MTUS1: variants seen among roughly 807,000 people sequenced by gnomAD.
MTUS1 encodes the protein microtubule-associated tumor suppressor 1.
MTUS1 carries 109 observed loss-of-function variants against 120.8 expected under a neutral mutation model. The observed-to-expected ratio is 0.90, with a 90% CI of 0.77 to 1.06. The LOEUF (loss-of-function observed/expected upper bound fraction) is 1.06, where lower values mean the gene tolerates loss of function less well. MTUS1 is among the 50% of genes least tolerant of loss of function. MTUS1 has a pLI of 0.00. For synonymous variants in MTUS1, 737 were observed against 550.5 expected, an observed-to-expected ratio of 1.34 and a Z score of -4.74; for missense variants, 2,210 against 1,486.3, an observed-to-expected ratio of 1.49 and a Z score of -8.01.
chr8:17,747,861 G>A (rs895816121), intron 2 of MTUS1, among the ~76,000 whole-genome samples: 8 of 152,100 alleles, frequency 5.3e-5, no homozygotes, highest in African/African-American at 1.7e-4. Flanking sequence ...CATGGCAGAG[G>A]GCAAGGAGGA....
intron 1 of MTUS1, among the ~76,000 whole-genome samples, chr8:17,775,153 C>A (rs1037776054): frequency 6.6e-6 from 1 of 152,096 alleles, no homozygotes; most frequent in African/African-American, 2.4e-5. Flanking sequence ...GGATGATGAA[C>A]AAGTTCTGAA....
intron 2 of MTUS1, among the ~76,000 whole-genome samples, chr8:17,747,240 G>C (rs374545274): frequency 6.7e-5 from 10 of 149,396 alleles, no homozygotes; most frequent in African/African-American, 2.2e-4. Context: ...CACCTACCTA[G>C]AGTCCCCTAA....
intron 1 of MTUS1, among the ~76,000 whole-genome samples, chr8:17,766,814 A>G (rs895458818): frequency 2.6e-5 from 4 of 152,180 alleles, no homozygotes; most frequent in African/African-American, 9.6e-5. Flanking sequence ...GATTGAATTG[A>G]GAATCATATA....
At chr8:17,710,170 T>G (rs920143983) in intron 6 of MTUS1, among the ~76,000 whole-genome samples, 18 of 152,182 alleles carry the variant, frequency 1.2e-4, no homozygotes, top group Admixed American at 2.6e-4. Context: ...AAGGTTTGGG[T>G]GGCTGTGGCA....
At chr8:17,709,180 C>T (rs750276102) in intron 6 of MTUS1, among the ~76,000 whole-genome samples, 2 of 151,674 alleles carry the variant, frequency 1.3e-5, no homozygotes, top group African/African-American at 2.4e-5. Context: ...TTTCCCCACA[C>T]TTCCCTGCTT....
intron 6 of MTUS1, among the ~76,000 whole-genome samples, chr8:17,700,139 C>G (rs371250): frequency 0.19 from 28,387 of 151,974 alleles, 2,809 homozygotes; most frequent in East Asian, 0.3. Context: ...GCCTAAAGTA[C>G]AACAGTTTGT....
intron 6 of MTUS1, among the ~76,000 whole-genome samples, chr8:17,693,491 C>T (rs1018517764): frequency 6.6e-6 from 1 of 152,136 alleles, no homozygotes; most frequent in Non-Finnish European, 1.5e-5. Flanking sequence ...TTATTCTGGC[C>T]GGATCTCTAC....
intron 12 of MTUS1, among the ~76,000 whole-genome samples, chr8:17,652,835 C>CAAAAAAAAAAAAAA (rs200107266): frequency 1.5e-5 from 2 of 129,970 alleles, no homozygotes; most frequent in Non-Finnish European, 3.4e-5. Flanking sequence ...GACTCCCTCT[C>CAAAAAAAAAAAAAA]AAAAAAAAAA....
intron 3 of MTUS1, among the ~76,000 whole-genome samples, chr8:17,729,663 T>C (rs1306155467): frequency 6.6e-6 from 1 of 152,184 alleles, no homozygotes; most frequent in Non-Finnish European, 1.5e-5. Context: ...TCTTATTAAA[T>C]GCTATTGCAA....
At chr8:17,665,738 A>C (rs940493449) in intron 8 of MTUS1, among the ~76,000 whole-genome samples, 1 of 152,214 alleles carries the variant, frequency 6.6e-6, no homozygotes, top group Non-Finnish European at 1.5e-5. Context: ...CCAGCCTGAG[A>C]TGTAGAAGAC....
At chr8:17,729,868 G>T (rs372719873) in intron 3 of MTUS1, among the ~76,000 whole-genome samples, 6 of 150,070 alleles carry the variant, frequency 4.0e-5, no homozygotes, top group African/African-American at 1.2e-4. Flanking sequence ...TTTCTCCTAA[G>T]AAGACAACAA....
rs970258164 is a variant in MTUS1, at chr8:17,747,522, C to T, written c.2092-3723G>A. On this transcript the variant is annotated intron_variant, in intron 2 of 14. Coordinates refer to ENST00000693296, the MANE Select transcript of MTUS1 (RefSeq NM_001363059.2). ...GGGGCAGGTCCCCAGCAAAACCCCA[C>T]CTTCAAGGCAAAAACCCTGAAACCC... Among the ~76,000 whole-genome samples the T allele has an allele frequency of 2.6e-5, 4 of 152,284 alleles. No individual in the cohort carries two copies. In the East Asian group the frequency reaches 7.7e-4, roughly 29 times the overall value.
chr8:17,761,386 C>A (rs2049027812), intron 1 of MTUS1, among the ~76,000 whole-genome samples: 1 of 151,972 alleles, frequency 6.6e-6, no homozygotes, highest in South Asian at 2.1e-4. Flanking sequence ...TCATCATTAC[C>A]ATATTAATGC....
intron 6 of MTUS1, chr8:17,693,375 G>C (rs546868866): frequency 7.2e-5 from 11 of 152,254 alleles, no homozygotes; most frequent in Admixed American, 6.5e-4. Flanking sequence ...TGTTTAAAGA[G>C]GAAAGATAAC....
chr8:17,696,524 T>C, intron 6 of MTUS1, among the ~76,000 whole-genome samples: 1 of 152,190 alleles, frequency 6.6e-6, no homozygotes, highest in East Asian at 1.9e-4. Flanking sequence ...TGATTTAATT[T>C]ACTGTAGCTG....
At chr8:17,785,124 G>A (rs910971235) in intron 1 of MTUS1, among the ~76,000 whole-genome samples, 3 of 89,896 alleles carry the variant, frequency 3.3e-5, no homozygotes, top group African/African-American at 9.4e-5. Context: ...ACATTCCTAG[G>A]TCCTCTATCA....
chr8:17,690,761 C>T (rs973094948), intron 6 of MTUS1, among the ~76,000 whole-genome samples: 1 of 152,056 alleles, frequency 6.6e-6, no homozygotes. Flanking sequence ...CAAAAGAAAG[C>T]TCTATTACTC....
chr8:17,696,630 T>G (rs1054137978), intron 6 of MTUS1, among the ~76,000 whole-genome samples: 1 of 152,198 alleles, frequency 6.6e-6, no homozygotes, highest in South Asian at 2.1e-4. Context: ...ATACTAAATT[T>G]ATTTTCATCT....
intron 1 of MTUS1, among the ~76,000 whole-genome samples, chr8:17,759,926 A>G (rs1296797406): frequency 6.6e-6 from 1 of 151,824 alleles, no homozygotes; most frequent in Non-Finnish European, 1.5e-5. Context: ...TCACAAAAAG[A>G]GATTGGGTGT....
Sources: gnomAD v4.1 joint callset for allele counts (sites outside exome capture counted in the v4.1 genomes callset) on GRCh38, gnomAD v4.1.1 for gene constraint, MANE v1.5 for transcripts, NCBI Gene and HGNC (gene_info 2026-07-23, HGNC 2026-07-21) for gene names.